Variants in CACNA1G observed in about 807,000 individuals in gnomAD.
CACNA1G encodes calcium voltage-gated channel subunit alpha1 G.
CACNA1G carries 67 observed loss-of-function variants against 219.4 expected under a neutral mutation model. The ratio of observed to expected loss-of-function variants is 0.31; its 90% CI spans 0.25 to 0.37. CACNA1G has a LOEUF of 0.37. CACNA1G is among the 10% of genes least tolerant of loss of function. CACNA1G has a pLI of 1.00. For missense variants in CACNA1G, 2,380 were observed against 3,231.4 expected, an observed-to-expected ratio of 0.74 and a Z score of 6.39; for synonymous variants, 1,296 against 1,345.3, an observed-to-expected ratio of 0.96 and a Z score of 0.80.
intron 36 of CACNA1G, 101 bp downstream of exon 36, chr17:50,624,176 G>A: frequency 6.9e-7 from 1 of 1,446,306 alleles, no homozygotes; most frequent in Non-Finnish European, 9.5e-7. Context: ...GGCAGCCAAA[G>A]AGGTATCTCT....
At position 50,572,550 on chromosome 17, in the gene CACNA1G, G is replaced by A. The variant is rs1455116184; in HGVS notation, c.747-4G>A. The A allele has an allele frequency of 2.6e-6, 4 of 1,527,010 alleles. No individual in the cohort carries two copies. Among genetic ancestry groups the A allele is most frequent in the Non-Finnish European group, 3.5e-6 (4 of 1,134,862 alleles). The allele number at this position is 1,527,010 out of a possible 1,614,324, so 94.6% of individuals were successfully genotyped here. A position where few individuals can be genotyped will look rare whatever the true frequency, so the allele number is the denominator to read the frequency against. On this transcript the variant is annotated splice_polypyrimidine_tract_variant and splice_region_variant and intron_variant, in intron 5 of 37. Transcript: ENST00000359106. The stretch of plus-strand genomic sequence containing the variant: ...TCACCCCTGTTCCCCTTCCCATCCT[G>A]CAGCCCCCTGAGCGTGGACCTGGAG...
At chr17:50,611,740 A>G (rs1260167893) in intron 26 of CACNA1G, among the ~76,000 whole-genome samples, 1 of 152,118 alleles carries the variant, frequency 6.6e-6, no homozygotes, top group Non-Finnish European at 1.5e-5. Context: ...TCACCCCAAA[A>G]CATCCTAGCA....
chr17:50,617,935 C>T lies in CACNA1G; in HGVS notation c.5226+6C>T, dbSNP rs369526781. ...TGATGCAGGCCCTGCCCCAGGTAGC[C>T]GGGAGGTGGGGGGCCTCTGGGGAGG... On this transcript the variant is annotated splice_donor_region_variant and intron_variant, in intron 30 of 37. Coordinates refer to ENST00000359106, the MANE Select transcript of CACNA1G (RefSeq NM_018896.5). This position sits in a 1 kb window ranked among gnomAD's most constrained non-coding sequence, Gnocchi z 5.8. 1.1e-4 allele frequency: 185 copies of T among 1,613,288 alleles called. 1 individual carries two copies. Among genetic ancestry groups the T allele is most frequent in the South Asian group, 1.5e-4 (14 of 91,050 alleles).
chr17:50,591,706 G>T lies in CACNA1G; in HGVS notation c.2640-33G>T, dbSNP rs760780225. 27 of 1,612,174 alleles carry T rather than the reference G, an allele frequency of 1.7e-5. No homozygotes were observed. In the East Asian group the frequency reaches 5.6e-4, roughly 33 times the overall value. On this transcript the variant is annotated intron_variant, in intron 11 of 37. Coordinates refer to ENST00000359106, the MANE Select transcript of CACNA1G (RefSeq NM_018896.5). Reference sequence around the variant, plus strand: ...TGAGGGGTGAGGAGCACTGGGCTCTGATCCCTAGCTTGTGGCCCCCTTGTG... The same window carrying T: ...TGAGGGGTGAGGAGCACTGGGCTCTTATCCCTAGCTTGTGGCCCCCTTGTG...
rs1192706477 is a variant in CACNA1G at position 50,571,135 on chromosome 17, G to A, written c.587-743G>A. Among the ~76,000 whole-genome samples, 7 of 152,206 alleles carry A rather than the reference G, an allele frequency of 4.6e-5. No homozygotes were observed. Among genetic ancestry groups the A allele is most frequent in the Non-Finnish European group, 8.8e-5 (6 of 68,028 alleles). Reference sequence around the variant, plus strand: ...TTCAGTGGCTTTCCCTATGGAGGGGGTTGTAAATTGATGGACTTCTGAGAA... The same window carrying A: ...TTCAGTGGCTTTCCCTATGGAGGGGATTGTAAATTGATGGACTTCTGAGAA... On this transcript the variant is annotated intron_variant, in intron 4 of 37. Coordinates refer to ENST00000359106, the MANE Select transcript of CACNA1G (RefSeq NM_018896.5). This position sits in a 1 kb window ranked among gnomAD's most constrained non-coding sequence, Gnocchi z 4.3.
chr17:50,601,850 A>G (rs2046732263), intron 19 of CACNA1G, among the ~76,000 whole-genome samples: 1 of 152,120 alleles, frequency 6.6e-6, no homozygotes, highest in Admixed American at 6.5e-5. Flanking sequence ...GGCATCCTGC[A>G]CCACTTGCTT....
intron 9 of CACNA1G, among the ~76,000 whole-genome samples, chr17:50,583,961 G>A (rs894446217): frequency 3.3e-5 from 5 of 152,126 alleles, no homozygotes; most frequent in Middle Eastern, 3.2e-3. Context: ...TGGGTAGGAC[G>A]CAATTTCACT....
At chr17:50,601,894 T>C (rs1451944659) in intron 19 of CACNA1G, among the ~76,000 whole-genome samples, 1 of 152,166 alleles carries the variant, frequency 6.6e-6, no homozygotes, top group African/African-American at 2.4e-5. Context: ...CATCCCTCTT[T>C]GCCATCTCCC....
At chr17:50,615,244 G>T (rs2050234632) in intron 26 of CACNA1G, 117 bp from the exon 27 acceptor site, 2 of 1,048,576 alleles carry the variant, frequency 1.9e-6, no homozygotes, top group South Asian at 4.3e-5. Flanking sequence ...GGATGGTGAT[G>T]ATTATGGAAT....
chr17:50,624,293 C>G (rs1043585300), intron 36 of CACNA1G, 67 bp from the exon 37 acceptor site: 8 of 1,380,814 alleles, frequency 5.8e-6, no homozygotes, highest in Non-Finnish European at 7.0e-6. Context: ...AGGTGAGAAC[C>G]TGCTCCCCTG....
At position 50,569,778 on chromosome 17, in the gene CACNA1G, G is replaced by A. The variant is rs1430030862; in HGVS notation, c.561G>A (p.Pro187=). Residue 187 remains proline, a synonymous_variant, in exon 4 of 38, where the codon CCG becomes CCA. Transcript: ENST00000359106. ...TCAGGACAGTCCGTGTGCTGCGACC[G>A]CTCAGGGCCATTAACCGGGTGCCCA... The part of the protein sequence containing the change: ...SAVRTVRVLR[P]LRAINRVPSM... 23 of 1,550,388 alleles carry A rather than the reference G, an allele frequency of 1.5e-5. No homozygotes were observed. The highest frequency in any genetic ancestry group is 2.4e-5 in the South Asian group (2 of 84,046).
intron 27 of CACNA1G, among the ~76,000 whole-genome samples, chr17:50,615,921 C>T (rs893097378): frequency 3.9e-5 from 6 of 152,252 alleles, no homozygotes; most frequent in African/African-American, 1.2e-4. Flanking sequence ...CCCTTGGCTG[C>T]CTTCCAGCCG....
intron 1 of CACNA1G, among the ~76,000 whole-genome samples, chr17:50,565,385 G>C (rs890844369): frequency 5.5e-5 from 8 of 144,972 alleles, no homozygotes; most frequent in African/African-American, 2.0e-4. Context: ...TGTGGGGTGG[G>C]GCGGGGGGTT....
At chr17:50,574,625 G>C (rs1044733013) in intron 7 of CACNA1G, among the ~76,000 whole-genome samples, 15 of 152,120 alleles carry the variant, frequency 9.9e-5, no homozygotes, top group African/African-American at 3.6e-4. Context: ...AAGCAGACAG[G>C]GAGATAAGGG....
intron 9 of CACNA1G, among the ~76,000 whole-genome samples, chr17:50,589,624 AG>A (rs2043754724): frequency 6.6e-6 from 1 of 152,154 alleles, no homozygotes; most frequent in Non-Finnish European, 1.5e-5. Flanking sequence ...CGTCCTTCTG[AG>A]GACTCTAGGG....
At chr17:50,572,456 A>G (rs1668694455) in intron 5 of CACNA1G, 98 bp from the exon 6 acceptor site, 4 of 1,035,990 alleles carry the variant, frequency 3.9e-6, no homozygotes, top group African/African-American at 3.2e-5. Context: ...TGCTCACCCT[A>G]TATGCCTCGA....
chr17:50,597,048 T>G (rs1598433170), intron 16 of CACNA1G, 125 bp downstream of exon 16: 1 of 934,720 alleles, frequency 1.1e-6, no homozygotes, highest in Non-Finnish European at 1.6e-6. Flanking sequence ...GGGGCCTGGG[T>G]GTGCCTGGAC....
rs2040473739 is a variant in CACNA1G at position 50,575,551 on chromosome 17, C to T, written c.1149C>T (p.Ser383=). Residue 383 remains serine, a synonymous_variant, in exon 8 of 38, where the codon TCC becomes TCT. Transcript: ENST00000359106. ...IYFILLIIVG[S]FFMINLCLVV... Reference sequence around the variant, plus strand: ...TGTCCCCACCCCTACAGGTGGGCTCCTTCTTCATGATCAACCTGTGCCTGG... The same window carrying T: ...TGTCCCCACCCCTACAGGTGGGCTCTTTCTTCATGATCAACCTGTGCCTGG... The T allele has an allele frequency of 6.2e-7, 1 of 1,607,106 alleles. No homozygotes were observed. The highest frequency in any genetic ancestry group is 8.5e-7 in the Non-Finnish European group (1 of 1,174,954).
chr17:50,569,584 TGAA>T (rs1165756743), intron 3 of CACNA1G, 119 bp from the exon 4 acceptor site: 36 of 733,144 alleles, frequency 4.9e-5, no homozygotes, highest in South Asian at 6.8e-5. Flanking sequence ...GGTCCCTTGG[TGAA>T]GAAGAAGAAG....
Sources: allele counts gnomAD v4.1 joint callset (sites outside exome capture counted in the v4.1 genomes callset), GRCh38; gene constraint gnomAD v4.1.1; non-coding constraint Gnocchi (gnomAD v3.1); transcripts MANE v1.5; gene names NCBI Gene and HGNC (gene_info 2026-07-23, HGNC 2026-07-21).